Variants in ARB2A observed in about 807,000 individuals in gnomAD.
The protein encoded by ARB2A is cotranscriptional regulator ARB2A.
At chr5:93,716,166 C>CCTAGT in the ARB2A span, among the ~76,000 whole-genome samples, 1 of 152,098 alleles carries the variant, frequency 6.6e-6, no homozygotes, top group East Asian at 1.9e-4. Flanking sequence ...ACTTCAGAGA[C>CCTAGT]CCTCTACAAG....
the ARB2A span, among the ~76,000 whole-genome samples, chr5:93,731,880 T>C: frequency 5.7e-3 from 866 of 152,334 alleles, 3 homozygotes; most frequent in Admixed American, 9.8e-3. Flanking sequence ...GGCCCCATCG[T>C]TTCCTTTTCC....
At chr5:93,747,456 G>A in the ARB2A span, among the ~76,000 whole-genome samples, 1 of 152,000 alleles carries the variant, frequency 6.6e-6, no homozygotes, top group Non-Finnish European at 1.5e-5. Flanking sequence ...AATGACCATG[G>A]AAAATTCAAG....
chr5:93,779,462 T>C, the ARB2A span, among the ~76,000 whole-genome samples: 2 of 152,078 alleles, frequency 1.3e-5, no homozygotes, highest in African/African-American at 4.8e-5. Context: ...GTGTTCCGAG[T>C]AGTGATGCAG....
the ARB2A span, among the ~76,000 whole-genome samples, chr5:93,644,395 A>G: frequency 1.3e-5 from 2 of 152,200 alleles, no homozygotes; most frequent in African/African-American, 2.4e-5. Context: ...AAGTTTTAAT[A>G]CGGATAAATA....
the ARB2A span, among the ~76,000 whole-genome samples, chr5:93,682,237 T>C: frequency 8.1e-6 from 1 of 123,702 alleles, no homozygotes; most frequent in South Asian, 2.3e-4. Context: ...GGATACAGTC[T>C]AACTTAAAAA....
chr5:94,009,111 T>A, the ARB2A span, among the ~76,000 whole-genome samples: 1 of 152,120 alleles, frequency 6.6e-6, no homozygotes, highest in South Asian at 2.1e-4. Flanking sequence ...TTAGTTTTTA[T>A]AAATCCTTAA....
At chr5:94,027,897 T>C in the ARB2A span, among the ~76,000 whole-genome samples, 1 of 151,992 alleles carries the variant, frequency 6.6e-6, no homozygotes, top group African/African-American at 2.4e-5. Context: ...GAGCCCTCAA[T>C]CTGTGGTTTC....
chr5:93,805,722 G>A, the ARB2A span: 1 of 985,022 alleles, frequency 1.0e-6, no homozygotes, highest in Non-Finnish European at 1.2e-6. Flanking sequence ...AGTCTGTTCA[G>A]CTCAAATGCA....
At chr5:93,866,266 G>A in the ARB2A span, 2 of 983,190 alleles carry the variant, frequency 2.0e-6, no homozygotes, top group South Asian at 4.7e-5. Flanking sequence ...ATGAAGTACC[G>A]TTAATGTCAC....
chr5:93,629,790 G>C, the ARB2A span, among the ~76,000 whole-genome samples: 11 of 152,102 alleles, frequency 7.2e-5, no homozygotes, highest in African/African-American at 2.7e-4. Flanking sequence ...ATATTAACAG[G>C]ATAATATGTC....
chr5:94,002,773 C>T, the ARB2A span, among the ~76,000 whole-genome samples: 14 of 151,358 alleles, frequency 9.2e-5, no homozygotes, highest in Non-Finnish European at 1.5e-4. Context: ...AAATAACTTA[C>T]AAGATCCTGA....
chr5:93,905,744 T>C, the ARB2A span, among the ~76,000 whole-genome samples: 1 of 151,552 alleles, frequency 6.6e-6, no homozygotes. Flanking sequence ...TAAAAATCCA[T>C]ACCATTACTT....
chr5:94,104,087 C>A, the ARB2A span, among the ~76,000 whole-genome samples: 6 of 150,488 alleles, frequency 4.0e-5, no homozygotes, highest in East Asian at 3.9e-4. Flanking sequence ...CCTAAAATCA[C>A]ACCTAGAGCA....
chr5:93,975,556 TAA>T, the ARB2A span, among the ~76,000 whole-genome samples: 1 of 151,982 alleles, frequency 6.6e-6, no homozygotes, highest in Non-Finnish European at 1.5e-5. Context: ...TTAGCTAGAT[TAA>T]CAAAGAAATA....
At chr5:93,903,760 T>G in the ARB2A span, among the ~76,000 whole-genome samples, 1 of 150,952 alleles carries the variant, frequency 6.6e-6, no homozygotes, top group East Asian at 2.0e-4. Flanking sequence ...CCTAGCCACA[T>G]AGCAGATAGT....
the ARB2A span, among the ~76,000 whole-genome samples, chr5:93,994,739 T>TA: frequency 3.3e-5 from 5 of 151,422 alleles, no homozygotes; most frequent in South Asian, 6.3e-4. Flanking sequence ...CCTGTCTCTA[T>TA]AAAAAAATAG....
the ARB2A span, among the ~76,000 whole-genome samples, chr5:93,702,205 A>T: frequency 2.5e-3 from 375 of 152,302 alleles, no homozygotes; most frequent in African/African-American, 8.6e-3. Flanking sequence ...ATCTGATCCG[A>T]AGATATGTCC....
chr5:93,885,047 A>C, the ARB2A span, among the ~76,000 whole-genome samples: 2 of 151,554 alleles, frequency 1.3e-5, no homozygotes, highest in Non-Finnish European at 3.0e-5. Flanking sequence ...GAGTAAAACA[A>C]AGCAAAGACA....
chr5:93,846,993 G>C, the ARB2A span, among the ~76,000 whole-genome samples: 1 of 152,178 alleles, frequency 6.6e-6, no homozygotes, highest in African/African-American at 2.4e-5. Flanking sequence ...TTCAAAGCTA[G>C]AGTCAATCCT....
Sources: allele counts gnomAD v4.1 joint callset (sites outside exome capture counted in the v4.1 genomes callset), GRCh38; gene constraint gnomAD v4.1.1; transcripts MANE v1.5; gene names NCBI Gene and HGNC (gene_info 2026-07-23, HGNC 2026-07-21).